Variants in RIMKLB observed in about 807,000 individuals in gnomAD.
RIMKLB encodes the protein ribosomal modification protein rimK like family member B.
RIMKLB carries 7 observed loss-of-function variants against 32.0 expected under a neutral mutation model. That is an observed-to-expected ratio of 0.22 (90% CI 0.12 to 0.41). The LOEUF is 0.41. RIMKLB is among the 10% of genes least tolerant of loss of function. RIMKLB has a pLI of 1.00. For missense variants in RIMKLB, 289 were observed against 498.7 expected (o/e 0.58, Z 4.00); for synonymous variants, 172 against 185.1 (o/e 0.93, Z 0.57).
chr12:8,763,949 C>T (rs1359665169), intron 5 of RIMKLB, among the ~76,000 whole-genome samples: 1 of 152,116 alleles, frequency 6.6e-6, no homozygotes, highest in Non-Finnish European at 1.5e-5. Flanking sequence ...CCTTAAGGTC[C>T]AGAACTGTAA....
chr12:8,731,540 GTTCT>G (rs2137297853), intron 2 of RIMKLB, among the ~76,000 whole-genome samples: 2 of 152,076 alleles, frequency 1.3e-5, no homozygotes, highest in South Asian at 4.2e-4. Flanking sequence ...TCCTTTAGTG[GTTCT>G]TTAAGCTCTG....
At chr12:8,771,179 T>C (rs980990903) in intron 5 of RIMKLB, among the ~76,000 whole-genome samples, 7 of 152,108 alleles carry the variant, frequency 4.6e-5, no homozygotes, top group African/African-American at 1.7e-4. Context: ...ACCAAAAGGG[T>C]ATGATCTAAC....
At chr12:8,718,665 A>ATGTGTGTGTG (rs1168492811) in intron 2 of RIMKLB, among the ~76,000 whole-genome samples, 6 of 104,248 alleles carry the variant, frequency 5.8e-5, no homozygotes, top group African/African-American at 1.4e-4. Context: ...ATATATATAT[A>ATGTGTGTGTG]TATATGTGTG....
At chr12:8,755,286 A>C (rs1948930557) in intron 5 of RIMKLB, among the ~76,000 whole-genome samples, 3 of 150,694 alleles carry the variant, frequency 2.0e-5, no homozygotes, top group South Asian at 2.1e-4. Flanking sequence ...TTTTTTGTAG[A>C]GATAGGGTCT....
At chr12:8,757,724 A>T (rs908611346) in intron 5 of RIMKLB, among the ~76,000 whole-genome samples, 3 of 152,104 alleles carry the variant, frequency 2.0e-5, no homozygotes, top group African/African-American at 7.2e-5. Flanking sequence ...TCATCCTTAG[A>T]TACATCGTCA....
chr12:8,743,206 T>A (rs1157621074), intron 2 of RIMKLB: 1 of 151,292 alleles, frequency 6.6e-6, no homozygotes, highest in Non-Finnish European at 1.5e-5. Flanking sequence ...ATACAAAAAT[T>A]ATCCGGGTGT....
chr12:8,723,385 T>G (rs1413374095), intron 2 of RIMKLB, among the ~76,000 whole-genome samples: 1 of 152,128 alleles, frequency 6.6e-6, no homozygotes, highest in Admixed American at 6.5e-5. Flanking sequence ...TGTCGCCCAT[T>G]TATAATAGTA....
chr12:8,739,726 C>T (rs926642426), intron 2 of RIMKLB, among the ~76,000 whole-genome samples: 2 of 152,114 alleles, frequency 1.3e-5, no homozygotes, highest in African/African-American at 2.4e-5. Context: ...CCTCCTGCCT[C>T]GGCCTTCCAA....
intron 1 of RIMKLB, among the ~76,000 whole-genome samples, chr12:8,713,328 A>G (rs1401767768): frequency 1.3e-5 from 2 of 152,180 alleles, no homozygotes; most frequent in African/African-American, 4.8e-5. Flanking sequence ...TACCTATAAC[A>G]AAACCAGGGA....
At chr12:8,753,198 A>G (rs1457015823) in intron 4 of RIMKLB, among the ~76,000 whole-genome samples, 1 of 152,216 alleles carries the variant, frequency 6.6e-6, no homozygotes, top group East Asian at 1.9e-4. Context: ...CAAGAGTCTC[A>G]GGCCTCCTGC....
At chr12:8,767,205 A>G (rs1950041464) in intron 5 of RIMKLB, among the ~76,000 whole-genome samples, 1 of 152,148 alleles carries the variant, frequency 6.6e-6, no homozygotes, top group Non-Finnish European at 1.5e-5. Flanking sequence ...TTCCTTTACT[A>G]CTTCTATCTT....
At chr12:8,746,447 A>G (rs1948094606) in intron 2 of RIMKLB, among the ~76,000 whole-genome samples, 1 of 151,306 alleles carries the variant, frequency 6.6e-6, no homozygotes, top group Non-Finnish European at 1.5e-5. Flanking sequence ...AAATACAAAC[A>G]AGTAGCCGGG....
chr12:8,681,401 G>T (rs1942406419), upstream of RIMKLB, among the ~76,000 whole-genome samples: 1 of 152,176 alleles, frequency 6.6e-6, no homozygotes, highest in African/African-American at 2.4e-5. Flanking sequence ...CTGTCACAGA[G>T]ATCTTAAAAT....
intron 1 of RIMKLB, among the ~76,000 whole-genome samples, chr12:8,685,493 T>C (rs902501448): frequency 2.6e-5 from 4 of 151,950 alleles, no homozygotes; most frequent in Admixed American, 6.5e-5. Context: ...ATTGCATTAA[T>C]TGATTTTTCA....
intron 1 of RIMKLB, among the ~76,000 whole-genome samples, chr12:8,708,207 T>C (rs1368360004): frequency 6.6e-6 from 1 of 152,152 alleles, no homozygotes; most frequent in Non-Finnish European, 1.5e-5. Context: ...TTTAGCTTTA[T>C]TTTTCTTCAG....
intron 2 of RIMKLB, among the ~76,000 whole-genome samples, chr12:8,745,228 C>T (rs949581959): frequency 1.3e-5 from 2 of 151,844 alleles, no homozygotes; most frequent in Admixed American, 6.6e-5. Context: ...GGATTACAGG[C>T]GTGAGCCACT....
chr12:8,681,730 G>A (rs1349561243), exon 1 of RIMKLB: 1 of 152,248 alleles, frequency 6.6e-6, no homozygotes, highest in African/African-American at 2.4e-5. Flanking sequence ...GGAGGGTGGT[G>A]TACTCTAACT....
chr12:8,719,112 T>C (rs1027952993), intron 2 of RIMKLB, among the ~76,000 whole-genome samples: 47 of 152,160 alleles, frequency 3.1e-4, no homozygotes, highest in Admixed American at 2.1e-3. Flanking sequence ...TCTGACTGTC[T>C]CCACAGTTTT....
At chr12:8,764,718 T>C (rs1949813197) in intron 5 of RIMKLB, among the ~76,000 whole-genome samples, 1 of 152,168 alleles carries the variant, frequency 6.6e-6, no homozygotes, top group Non-Finnish European at 1.5e-5. Flanking sequence ...GGCTTCTGAC[T>C]CAGAGGACCT....
Sources: gnomAD v4.1 joint callset for allele counts (sites outside exome capture counted in the v4.1 genomes callset) on GRCh38, gnomAD v4.1.1 for gene constraint, MANE v1.5 for transcripts, NCBI Gene and HGNC (gene_info 2026-07-23, HGNC 2026-07-21) for gene names.